ST6GALNAC3: variants seen among roughly 807,000 people sequenced by gnomAD.
ST6GALNAC3 encodes the protein alpha-N-acetylgalactosaminide alpha-2,6-sialyltransferase 3.
In ST6GALNAC3, 25 loss-of-function variants were observed where a neutral mutation model predicts 32.7. The ratio of observed to expected loss-of-function variants is 0.76; its 90% CI spans 0.56 to 1.07. The LOEUF (loss-of-function observed/expected upper bound fraction) is 1.07. ST6GALNAC3 is among the 50% of genes least tolerant of loss of function. ST6GALNAC3 has a pLI of 0.00. For synonymous variants in ST6GALNAC3, 129 were observed against 133.1 expected (o/e 0.97, Z 0.21); for missense variants, 355 against 382.4 (o/e 0.93, Z 0.60).
intron 3 of ST6GALNAC3, among the ~76,000 whole-genome samples, chr1:76,494,783 A>T (rs1660751840): frequency 6.6e-6 from 1 of 151,116 alleles, no homozygotes; most frequent in African/African-American, 2.4e-5. Context: ...ATATGTAGGA[A>T]GAGATTTATT....
intron 3 of ST6GALNAC3, among the ~76,000 whole-genome samples, chr1:76,451,268 T>C (rs1032696057): frequency 6.6e-6 from 1 of 152,230 alleles, no homozygotes; most frequent in Non-Finnish European, 1.5e-5. Flanking sequence ...CAGTTTCACA[T>C]GGCTGGCAAG....
chr1:76,445,132 G>T (rs1656881820), intron 3 of ST6GALNAC3, among the ~76,000 whole-genome samples: 1 of 152,160 alleles, frequency 6.6e-6, no homozygotes, highest in Admixed American at 6.6e-5. Flanking sequence ...CAACTTCAGA[G>T]ACTACTGAGA....
intron 1 of ST6GALNAC3, among the ~76,000 whole-genome samples, chr1:76,295,388 A>C (rs1276116501): frequency 6.6e-6 from 1 of 152,094 alleles, no homozygotes; most frequent in Non-Finnish European, 1.5e-5. Context: ...ATTTGGTAAA[A>C]GGCAGGGTGT....
intron 1 of ST6GALNAC3, among the ~76,000 whole-genome samples, chr1:76,126,892 C>T (rs898320234): frequency 2.0e-5 from 3 of 152,168 alleles, no homozygotes; most frequent in African/African-American, 7.2e-5. Flanking sequence ...CCACCAGGGT[C>T]GTTGATAAAT....
rs1048094925 is a variant in ST6GALNAC3 at position 76,396,708 on chromosome 1, C to T, written c.214-15300C>T. 2.6e-5 allele frequency among the ~76,000 whole-genome samples: 4 copies of T among 152,124 alleles called. 1 individual carries two copies. The highest frequency in any genetic ancestry group is 4.1e-4 in the South Asian group (2 of 4,828). Reference sequence around the variant, plus strand: ...CTATTGCTCTTTATCAAAATGATCCCATAGATAGTCTATAGTCTTTTCTTA... The same window carrying T: ...CTATTGCTCTTTATCAAAATGATCCTATAGATAGTCTATAGTCTTTTCTTA... On this transcript the variant is annotated intron_variant, in intron 2 of 4. Coordinates refer to ENST00000328299, the MANE Select transcript of ST6GALNAC3 (RefSeq NM_152996.4).
intron 1 of ST6GALNAC3, among the ~76,000 whole-genome samples, chr1:76,102,538 A>G (rs149569942): frequency 2.0e-4 from 31 of 151,926 alleles, no homozygotes; most frequent in Admixed American, 5.2e-4. Flanking sequence ...GCTTTTAACC[A>G]TTCCACTTTT....
At chr1:76,286,187 A>G (rs1659766919) in intron 1 of ST6GALNAC3, among the ~76,000 whole-genome samples, 1 of 152,220 alleles carries the variant, frequency 6.6e-6, no homozygotes, top group African/African-American at 2.4e-5. Flanking sequence ...AGAAGAGGGC[A>G]GATGCTTCTG....
chr1:76,163,143 C>A (rs1008099158), intron 1 of ST6GALNAC3, among the ~76,000 whole-genome samples: 2 of 152,208 alleles, frequency 1.3e-5, no homozygotes, highest in South Asian at 4.1e-4. Context: ...TAACTCAGAA[C>A]TGATTCCAAT....
At chr1:76,175,522 G>GTTT (rs11406854) in intron 1 of ST6GALNAC3, among the ~76,000 whole-genome samples, 8 of 146,352 alleles carry the variant, frequency 5.5e-5, no homozygotes, top group Non-Finnish European at 9.0e-5. Context: ...CTGATGGATA[G>GTTT]TTTTTTTTTT....
chr1:76,519,815 C>G (rs1662400120), intron 3 of ST6GALNAC3, among the ~76,000 whole-genome samples: 1 of 151,088 alleles, frequency 6.6e-6, no homozygotes. Flanking sequence ...AGGATTCTGC[C>G]CATTAATTTT....
chr1:76,410,202 G>C (rs1654130749), intron 2 of ST6GALNAC3, among the ~76,000 whole-genome samples: 2 of 152,110 alleles, frequency 1.3e-5, no homozygotes, highest in South Asian at 2.1e-4. Context: ...CCTGCTATCT[G>C]TCTGGCCTCA....
At chr1:76,162,695 A>G (rs1651886006) in intron 1 of ST6GALNAC3, among the ~76,000 whole-genome samples, 1 of 152,158 alleles carries the variant, frequency 6.6e-6, no homozygotes, top group Non-Finnish European at 1.5e-5. Flanking sequence ...GGTCTAATGG[A>G]TGTATAACCA....
At position 76,511,792 on chromosome 1, in the gene ST6GALNAC3, G is replaced by A. The variant is rs370081134; in HGVS notation, c.623+99375G>A. ...ACATCGAAGGCCTCTTGAATATAGTGAAAATGAATATCAAAATCAATATGC... is the reference window on the plus strand; with the variant it reads ...ACATCGAAGGCCTCTTGAATATAGTAAAAATGAATATCAAAATCAATATGC... On this transcript the variant is annotated intron_variant, in intron 3 of 4. Coordinates refer to ENST00000328299, the MANE Select transcript of ST6GALNAC3 (RefSeq NM_152996.4). Among the ~76,000 whole-genome samples the A allele has an allele frequency of 2.6e-5, 4 of 152,268 alleles. No homozygotes were observed. In the East Asian group the frequency reaches 7.7e-4, roughly 29 times the overall value.
chr1:76,231,543 C>T (rs1361259065), intron 1 of ST6GALNAC3, among the ~76,000 whole-genome samples: 1 of 152,172 alleles, frequency 6.6e-6, no homozygotes, highest in Non-Finnish European at 1.5e-5. Context: ...CTTTCTGTTT[C>T]TGTGAGCTTG....
chr1:76,435,116 A>G (rs1656050484), intron 3 of ST6GALNAC3, among the ~76,000 whole-genome samples: 1 of 152,026 alleles, frequency 6.6e-6, no homozygotes, highest in South Asian at 2.1e-4. Flanking sequence ...GATAATTCAT[A>G]TTTAGTACTC....
chr1:76,096,418 A>G (rs951606473), intron 1 of ST6GALNAC3, among the ~76,000 whole-genome samples: 11 of 152,156 alleles, frequency 7.2e-5, no homozygotes, highest in African/African-American at 2.4e-4. Flanking sequence ...TCTGAAGGCC[A>G]TTTCTTTAAT....
intron 1 of ST6GALNAC3, among the ~76,000 whole-genome samples, chr1:76,163,351 A>C (rs1193712163): frequency 6.6e-6 from 1 of 152,194 alleles, no homozygotes; most frequent in East Asian, 1.9e-4. Context: ...GTGATTAACA[A>C]ATATGTAATG....
intron 2 of ST6GALNAC3, among the ~76,000 whole-genome samples, chr1:76,403,897 A>G (rs922286222): frequency 3.3e-5 from 5 of 152,056 alleles, no homozygotes; most frequent in Admixed American, 2.0e-4. Context: ...TCACATCCAT[A>G]TGAGAAAACT....
chr1:76,431,716 G>A (rs549481481), intron 3 of ST6GALNAC3, among the ~76,000 whole-genome samples: 4 of 152,164 alleles, frequency 2.6e-5, no homozygotes, highest in South Asian at 2.1e-4. Flanking sequence ...TGGGAAGTCC[G>A]AATTTTTGAA....
Sources: allele counts gnomAD v4.1 joint callset (sites outside exome capture counted in the v4.1 genomes callset), GRCh38; gene constraint gnomAD v4.1.1; transcripts MANE v1.5; gene names NCBI Gene and HGNC (gene_info 2026-07-23, HGNC 2026-07-21).